The following PRRC2B variants were observed in gnomAD, a reference collection of about 807,000 sequenced individuals.
PRRC2B encodes protein PRRC2B.
In PRRC2B, 68 loss-of-function variants were observed where a neutral mutation model predicts 242.3. The observed-to-expected ratio is 0.28, with a 90% CI of 0.23 to 0.34. The LOEUF (loss-of-function observed/expected upper bound fraction) is 0.34. Among genes scored for constraint, PRRC2B ranks in the 10% least tolerant of loss-of-function variants. The probability of loss-of-function intolerance (pLI) is 1.00; values close to 1 mark genes in which losing one functional copy is unlikely to be tolerated. For missense variants in PRRC2B, 2,835 were observed against 2,954.8 expected (o/e 0.96, Z 0.94); for synonymous variants, 1,228 against 1,173.6 (o/e 1.05, Z -0.95).
At chr9:131,389,418 A>G (rs374908780), upstream of PRRC2B, among the ~76,000 whole-genome samples, 39 of 150,528 alleles carry the variant, frequency 2.6e-4, 1 homozygote, top group Non-Finnish European at 7.4e-5. Flanking sequence ...TGGCCTCCCA[A>G]AGTGCTAGGA....
chr9:131,485,554 C>G (rs937014100), intron 25 of PRRC2B: 1 of 516,134 alleles, frequency 1.9e-6, no homozygotes, highest in Non-Finnish European at 3.8e-6. Flanking sequence ...GGCTTTGTAT[C>G]AACAGAGCCC....
In PRRC2B at chr9:131,478,484, T is replaced by C. The variant is rs768160526; in HGVS notation, c.4623T>C (p.Ile1541=). 3 of 1,613,360 alleles carry C rather than the reference T, an allele frequency of 1.9e-6. No homozygotes were observed. Among genetic ancestry groups the C allele is most frequent in the Middle Eastern group, 1.7e-4 (1 of 6,060 alleles). ...QFDLNYGSAI[I]ENCGSSPGEE... is the part of the protein sequence containing the mutation. ...GAAATCTTGGTTCAGGTGCCATCAT[T>C]GAAAATTGCGGGTCCAGCCCCGGGG... The change falls in exon 18 of 32, where the codon ATT becomes ATC. Residue 1541 remains isoleucine, a synonymous_variant. Transcript: ENST00000683519.
At chr9:131,402,454 T>G (rs916206026) in intron 1 of PRRC2B, among the ~76,000 whole-genome samples, 6 of 152,230 alleles carry the variant, frequency 3.9e-5, no homozygotes, top group Admixed American at 3.3e-4. Context: ...AATAATATTC[T>G]CTTATTTGCA....
At chr9:131,425,169 A>C (rs767073864) in intron 1 of PRRC2B, among the ~76,000 whole-genome samples, 2 of 152,154 alleles carry the variant, frequency 1.3e-5, no homozygotes, top group Admixed American at 6.5e-5. Context: ...TATTTTTAGT[A>C]TAGACGGGGT....
intron 1 of PRRC2B, among the ~76,000 whole-genome samples, chr9:131,418,216 T>C (rs577601871): frequency 1.3e-4 from 20 of 152,374 alleles, no homozygotes; most frequent in East Asian, 5.8e-4. Flanking sequence ...CTAAAGCAGC[T>C]GTCTGTCTCC....
At chr9:131,486,688 TC>T in intron 26 of PRRC2B, 2 of 262,232 alleles carry the variant, frequency 7.6e-6, no homozygotes, top group Non-Finnish European at 1.2e-5. Flanking sequence ...CCCATGTGCC[TC>T]CACAGCCACG....
upstream of PRRC2B, among the ~76,000 whole-genome samples, chr9:131,391,293 A>G (rs1271400535): frequency 2.0e-5 from 3 of 151,894 alleles, no homozygotes; most frequent in Non-Finnish European, 4.4e-5. Flanking sequence ...TAGCTTCTAG[A>G]GGCAGCCTGC....
chr9:131,386,727 C>T (rs1182422471), intron 1 of PRRC2B, among the ~76,000 whole-genome samples: 2 of 150,024 alleles, frequency 1.3e-5, no homozygotes, highest in African/African-American at 2.4e-5. Context: ...TGAGCACTCA[C>T]TATTTGCCAG....
intron 1 of PRRC2B, among the ~76,000 whole-genome samples, chr9:131,378,880 G>T (rs1165230263): frequency 2.0e-5 from 3 of 152,002 alleles, no homozygotes; most frequent in African/African-American, 7.3e-5. Flanking sequence ...CACCACACCC[G>T]GCTAATTTTT....
chr9:131,450,922 G>A (rs1016760590), intron 9 of PRRC2B, among the ~76,000 whole-genome samples: 5 of 152,152 alleles, frequency 3.3e-5, no homozygotes, highest in Non-Finnish European at 7.4e-5. Context: ...GGAACCTGGT[G>A]TATCTCTTTA....
Position 131,495,998 on chromosome 9 carries a change from C to T in PRRC2B, c.*124C>T, listed in dbSNP as rs987575388. ...CAAATGCGTGGCCCAGACTGAGAGA[C>T]CTCCCTCCTCTCCACTCCCGAAAGC... On this transcript the variant is annotated 3_prime_UTR_variant, in exon 32 of 32. Transcript: ENST00000683519. 1.5e-6 allele frequency: 2 copies of T among 1,317,862 alleles called. No individual in the cohort carries two copies. The highest frequency in any genetic ancestry group is 1.5e-5 in the African/African-American group (1 of 68,592). The allele number at this position is 1,317,862 out of a possible 1,614,324, so 81.6% of individuals were successfully genotyped here. A position where few individuals can be genotyped will look rare whatever the true frequency, so the allele number is the denominator to read the frequency against.
At chr9:131,467,806 A>G (rs1256791889) in intron 13 of PRRC2B, 53 bp downstream of exon 13, 2 of 1,574,852 alleles carry the variant, frequency 1.3e-6, no homozygotes, top group Non-Finnish European at 1.7e-6. Flanking sequence ...AGTGCCGAGC[A>G]GATGTTTCCC....
chr9:131,487,921 C>A lies in PRRC2B; in HGVS notation c.6050C>A (p.Ala2017Asp). The A allele has an allele frequency of 6.2e-7, 1 of 1,613,982 alleles. No homozygotes were observed. Among genetic ancestry groups the A allele is most frequent in the Non-Finnish European group, 8.5e-7 (1 of 1,179,858 alleles). ...PSTMILSGGT[A>D]LKPPYSAFPG... is the part of the protein sequence containing the mutation. ...ACCATGATCCTCTCTGGGGGCACAG[C>A]CTTGAAGCCTCCATACTCGGCGTTC... Residue 2017 changes from alanine (A) to aspartate (D), a missense_variant, in exon 28 of 32, where the codon GCC (alanine) becomes GAC (aspartate). Around this residue, in one of 7 missense-constraint regions of PRRC2B, gnomAD observed 574 missense variants for 626.0 expected, o/e 0.92. Coordinates refer to ENST00000683519, the MANE Select transcript of PRRC2B (RefSeq NM_013318.4). This position sits in a 1 kb window ranked among gnomAD's most constrained non-coding sequence, Gnocchi z 5.3.
chr9:131,496,143 G>T lies in PRRC2B; in HGVS notation c.*269G>T, dbSNP rs954643160. ...GCTCCTACCGTGACTGTGGAGTGAC[G>T]CCTCCTGTGCAGTGCAGATTTGCCC... On this transcript the variant is annotated 3_prime_UTR_variant, in exon 32 of 32. Coordinates refer to ENST00000683519, the MANE Select transcript of PRRC2B (RefSeq NM_013318.4). 2 of 414,138 alleles carry T rather than the reference G, an allele frequency of 4.8e-6. No homozygotes were observed. The highest frequency in any genetic ancestry group is 4.0e-5 in the African/African-American group (2 of 50,370). The allele number at this position is 414,138 out of a possible 1,614,324, so 25.7% of individuals were successfully genotyped here.
intron 1 of PRRC2B, among the ~76,000 whole-genome samples, chr9:131,425,923 C>T (rs753368448): frequency 2.8e-4 from 43 of 151,890 alleles, no homozygotes; most frequent in Non-Finnish European, 4.7e-4. Context: ...GCAGGTGAAT[C>T]GCTTGAACCT....
intron 13 of PRRC2B, among the ~76,000 whole-genome samples, chr9:131,469,729 GC>G (rs1943488583): frequency 6.6e-6 from 1 of 152,180 alleles, no homozygotes; most frequent in Admixed American, 6.5e-5. Flanking sequence ...AGGAATTAGC[GC>G]CCGAGGTCAC....
chr9:131,470,866 C>T lies in PRRC2B; in HGVS notation c.1990C>T (p.His664Tyr). 6.2e-7 allele frequency: 1 copy of T among 1,609,280 alleles called. No individual in the cohort carries two copies. ...CCCCCAGCGCACCTTTTACCCACAC[C>T]ACCCCCAGATGTTGGGCTTCGATCC... ...SHPQRTFYPH[H>Y]PQMLGFDPRW... Residue 664 changes from histidine to tyrosine, a missense_variant, in exon 14 of 32, where the codon CAC (histidine) becomes TAC (tyrosine). Physicochemically the swap from His to Tyr is moderately conservative, Grantham distance 83. This residue lies in a region of PRRC2B where 1,536 missense variants were observed against 1,483.1 expected (regional missense o/e 1.04). Coordinates refer to ENST00000683519, the MANE Select transcript of PRRC2B (RefSeq NM_013318.4).
chr9:131,484,062 A>G (rs1943946962), intron 23 of PRRC2B, among the ~76,000 whole-genome samples: 1 of 152,210 alleles, frequency 6.6e-6, no homozygotes, highest in Admixed American at 6.5e-5. Context: ...GTGTTGAATG[A>G]AAACAATGTT....
At chr9:131,382,514 C>A (rs1299072117) in intron 1 of PRRC2B, among the ~76,000 whole-genome samples, 1 of 152,052 alleles carries the variant, frequency 6.6e-6, no homozygotes, top group African/African-American at 2.4e-5. Flanking sequence ...TGCTTTTATC[C>A]TGTGTGTGTG....
Sources: allele counts gnomAD v4.1 joint callset (sites outside exome capture counted in the v4.1 genomes callset), GRCh38; gene constraint gnomAD v4.1.1; regional missense constraint gnomAD v4.1.1; non-coding constraint Gnocchi (gnomAD v3.1); transcripts MANE v1.5; gene names NCBI Gene and HGNC (gene_info 2026-07-23, HGNC 2026-07-21).